Variants in ZNF827 observed in about 807,000 individuals in gnomAD.
ZNF827 encodes zinc finger protein 827.
ZNF827 carries 13 observed loss-of-function variants against 102.4 expected under a neutral mutation model. The observed-to-expected ratio is 0.13, with a 90% CI of 0.08 to 0.20. The LOEUF is 0.20. Ranked by LOEUF, ZNF827 falls within the 10% of genes least tolerant of loss-of-function variation. The pLI is 1.00. For missense variants in ZNF827, 1,103 were observed against 1,344.4 expected (o/e 0.82, Z 2.81); for synonymous variants, 523 against 536.2 (o/e 0.98, Z 0.34).
chr4:145,878,600 G>GAAAGGAAAGT (rs1749370436), intron 4 of ZNF827, among the ~76,000 whole-genome samples: 2 of 127,988 alleles, frequency 1.6e-5, no homozygotes, highest in African/African-American at 6.1e-5. Flanking sequence ...GACAGGACAG[G>GAAAGGAAAGT]ACAGGAAAGG....
At chr4:145,890,078 C>G (rs893726362) in intron 3 of ZNF827, among the ~76,000 whole-genome samples, 4 of 151,678 alleles carry the variant, frequency 2.6e-5, no homozygotes, top group Non-Finnish European at 5.9e-5. Context: ...ATTATATTTC[C>G]AGGTAGACTA....
chr4:145,859,042 G>A (rs59003981), intron 5 of ZNF827, among the ~76,000 whole-genome samples: 4 of 151,720 alleles, frequency 2.6e-5, no homozygotes, highest in African/African-American at 4.8e-5. Flanking sequence ...CAAGGATATC[G>A]CTGCTGAAAA....
chr4:145,796,876 C>A (rs1740439828), intron 8 of ZNF827, among the ~76,000 whole-genome samples: 1 of 152,148 alleles, frequency 6.6e-6, no homozygotes, highest in South Asian at 2.1e-4. Context: ...GGTGATCCAC[C>A]AGCCTCGGCC....
Position 145,765,644 on chromosome 4 carries a change from A to G in ZNF827, c.2955T>C (p.Asp985=). Residue 985 remains aspartate, a synonymous_variant, in exon 12 of 15, where the codon GAT becomes GAC. Transcript: ENST00000508784. The surrounding 1 kb of genome is among the most constrained non-coding windows in gnomAD (Gnocchi z 4.7). ...TCCCGCCCTTGTTTTTCTGGGAGCC[A>G]TCTGAATCATCTTTGCTGTTGGCTG... is the stretch of plus-strand genomic sequence containing the variant. ...SDSANSKDDS[D]GSQKNKGGNN... 1.9e-6 allele frequency: 3 copies of G among 1,614,164 alleles called. No individual in the cohort carries two copies. Among genetic ancestry groups the G allele is most frequent in the Non-Finnish European group, 2.5e-6 (3 of 1,180,024 alleles).
intron 4 of ZNF827, among the ~76,000 whole-genome samples, chr4:145,873,356 C>T (rs1748875267): frequency 6.6e-6 from 1 of 152,184 alleles, no homozygotes; most frequent in African/African-American, 2.4e-5. Flanking sequence ...TAGTGGCATC[C>T]AATGGCGTTC....
At chr4:145,772,521 TATAA>T (rs1422837046) in intron 11 of ZNF827, among the ~76,000 whole-genome samples, 6 of 152,204 alleles carry the variant, frequency 3.9e-5, no homozygotes, top group Admixed American at 3.9e-4. Context: ...CTCCTGTTTT[TATAA>T]ATAAAGTTTT....
intron 1 of ZNF827, among the ~76,000 whole-genome samples, chr4:145,917,417 G>A (rs925632501): frequency 2.6e-5 from 4 of 152,164 alleles, no homozygotes; most frequent in Admixed American, 6.5e-5. Context: ...CTTGGAGACA[G>A]AGAGAGCAAG....
chr4:145,926,321 T>C (rs1390576023), intron 1 of ZNF827, among the ~76,000 whole-genome samples: 1 of 152,254 alleles, frequency 6.6e-6, no homozygotes, highest in Non-Finnish European at 1.5e-5. Context: ...ACCCCCACTC[T>C]TAAGTATTCC....
At chr4:145,855,110 T>C (rs545235581) in intron 5 of ZNF827, among the ~76,000 whole-genome samples, 5 of 152,344 alleles carry the variant, frequency 3.3e-5, no homozygotes, top group African/African-American at 1.2e-4. Flanking sequence ...TCATACATGC[T>C]ACAGATTACA....
intron 7 of ZNF827, chr4:145,833,244 A>C: frequency 6.4e-6 from 1 of 155,970 alleles, no homozygotes; most frequent in Non-Finnish European, 1.4e-5. Context: ...CCACAATTCA[A>C]TCTCTCCCTT....
chr4:145,862,820 C>A (rs1352574698), intron 5 of ZNF827, among the ~76,000 whole-genome samples: 1 of 152,240 alleles, frequency 6.6e-6, no homozygotes, highest in East Asian at 1.9e-4. Flanking sequence ...AACAAGTCTG[C>A]ATTTTTTACT....
At chr4:145,773,600 G>T (rs1579119691) in intron 11 of ZNF827, among the ~76,000 whole-genome samples, 1 of 152,190 alleles carries the variant, frequency 6.6e-6, no homozygotes, top group African/African-American at 2.4e-5. Context: ...CTCCTTGCTG[G>T]TATCATTTGT....
chr4:145,904,605 T>A (rs11942049), intron 1 of ZNF827, among the ~76,000 whole-genome samples: 10 of 152,060 alleles, frequency 6.6e-5, no homozygotes, highest in East Asian at 1.9e-4. Flanking sequence ...GGAACAGCAC[T>A]GAAGCCAGTG....
chr4:145,810,636 T>A (rs929818382), intron 8 of ZNF827, among the ~76,000 whole-genome samples: 2 of 152,244 alleles, frequency 1.3e-5, no homozygotes, highest in Admixed American at 6.5e-5. Context: ...GCCTCTTTTT[T>A]AAAACATAAT....
At chr4:145,936,457 AAAGG>A (rs2127012164) in intron 1 of ZNF827, among the ~76,000 whole-genome samples, 1 of 151,572 alleles carries the variant, frequency 6.6e-6, no homozygotes, top group South Asian at 2.1e-4. Context: ...TTTTTTTTTT[AAAGG>A]AAGGGGAAAA....
At chr4:145,929,746 T>A (rs1316185331) in intron 1 of ZNF827, among the ~76,000 whole-genome samples, 1 of 152,206 alleles carries the variant, frequency 6.6e-6, no homozygotes, top group Non-Finnish European at 1.5e-5. Flanking sequence ...TTTCACATAC[T>A]TAATAATAAG....
rs1399631289 is a variant in ZNF827, at chr4:145,897,660, T to C, written c.1093+4506A>G. Among the ~76,000 whole-genome samples the C allele has an allele frequency of 2.0e-5, 3 of 152,246 alleles. No individual in the cohort carries two copies. The East Asian group carries it at 5.8e-4, about 29-fold the overall frequency. ...TTAGCAATGGATGTCCCTGGGTTTA[T>C]CTGTTATTATGGATGCTGACTTTAT... On this transcript the variant is annotated intron_variant, in intron 2 of 14. Transcript: ENST00000508784.
chr4:145,868,491 G>A (rs574813804), intron 5 of ZNF827, among the ~76,000 whole-genome samples: 1 of 152,320 alleles, frequency 6.6e-6, no homozygotes, highest in South Asian at 2.1e-4. Context: ...CATAGCACAT[G>A]TGCTCAACCA....
chr4:145,893,045 G>C (rs995895497), intron 2 of ZNF827, among the ~76,000 whole-genome samples: 12 of 152,156 alleles, frequency 7.9e-5, no homozygotes. Context: ...CAGGGTTTTT[G>C]ACCCTTTTAT....
Sources: allele counts gnomAD v4.1 joint callset (sites outside exome capture counted in the v4.1 genomes callset), GRCh38; gene constraint gnomAD v4.1.1; non-coding constraint Gnocchi (gnomAD v3.1); transcripts MANE v1.5; gene names NCBI Gene and HGNC (gene_info 2026-07-23, HGNC 2026-07-21).